Variants in SLC2A13 observed in about 807,000 individuals in gnomAD.
SLC2A13 encodes the protein solute carrier family 2 member 13.
Under a neutral mutation model 64.4 loss-of-function variants are expected in SLC2A13, and 32 were observed. The observed-to-expected ratio is 0.50, with a 90% CI of 0.37 to 0.67. The LOEUF (loss-of-function observed/expected upper bound fraction) is 0.67. SLC2A13 is among the 30% of genes least tolerant of loss of function. SLC2A13 has a pLI of 0.00. For synonymous variants in SLC2A13, 338 were observed against 327.1 expected (o/e 1.03, Z -0.36); for missense variants, 743 against 829.2 (o/e 0.90, Z 1.28).
chr12:39,960,899 C>T (rs1408056190), intron 3 of SLC2A13, among the ~76,000 whole-genome samples: 2 of 151,072 alleles, frequency 1.3e-5, no homozygotes, highest in Non-Finnish European at 2.9e-5. Flanking sequence ...AGGCGCTCGC[C>T]ACCACAGCTG....
At chr12:39,934,032 T>A (rs1565549264) in intron 4 of SLC2A13, among the ~76,000 whole-genome samples, 1 of 152,236 alleles carries the variant, frequency 6.6e-6, no homozygotes, top group Non-Finnish European at 1.5e-5. Context: ...ATATTTCAGT[T>A]AATTCTAGCA....
intron 4 of SLC2A13, among the ~76,000 whole-genome samples, chr12:39,895,983 TAC>T (rs1202914172): frequency 6.9e-6 from 1 of 144,870 alleles, no homozygotes; most frequent in Non-Finnish European, 1.5e-5. Context: ...TATGTATACA[TAC>T]ATTCATATAT....
intron 7 of SLC2A13, among the ~76,000 whole-genome samples, chr12:39,776,270 C>CACGGTCACT: frequency 6.6e-6 from 1 of 152,138 alleles, no homozygotes; most frequent in South Asian, 2.1e-4. Flanking sequence ...ATTTATACTA[C>CACGGTCACT]ACACTGCTTC....
intron 4 of SLC2A13, among the ~76,000 whole-genome samples, chr12:39,912,116 G>A (rs182539176): frequency 6.6e-6 from 1 of 152,046 alleles, no homozygotes; most frequent in Non-Finnish European, 1.5e-5. Flanking sequence ...TCCCCACAAT[G>A]ATCAACCTTC....
intron 1 of SLC2A13, among the ~76,000 whole-genome samples, chr12:40,071,425 T>C (rs1002982138): frequency 6.6e-6 from 1 of 152,204 alleles, no homozygotes; most frequent in African/African-American, 2.4e-5. Context: ...AATTTTATAA[T>C]ATTTTATTGA....
chr12:39,910,237 T>C (rs1290490060), intron 4 of SLC2A13, among the ~76,000 whole-genome samples: 2 of 152,146 alleles, frequency 1.3e-5, no homozygotes, highest in Non-Finnish European at 2.9e-5. Context: ...CCATCTTTAA[T>C]AATGGCTGTA....
intron 4 of SLC2A13, among the ~76,000 whole-genome samples, chr12:39,905,822 G>GACAAAAAAA: frequency 6.9e-6 from 1 of 145,402 alleles, no homozygotes; most frequent in Non-Finnish European, 1.5e-5. Flanking sequence ...AAAATGCCCA[G>GACAAAAAAA]AAAAAAAAAA....
At chr12:39,838,174 A>G (rs1943072092) in intron 6 of SLC2A13, among the ~76,000 whole-genome samples, 1 of 150,348 alleles carries the variant, frequency 6.7e-6, no homozygotes, top group South Asian at 2.1e-4. Context: ...AAAAAGGATG[A>G]GTTCATGTCC....
chr12:39,901,719 T>C (rs1185541053), intron 4 of SLC2A13, among the ~76,000 whole-genome samples: 2 of 133,312 alleles, frequency 1.5e-5, no homozygotes, highest in South Asian at 2.8e-4. Context: ...TGTGGAGAAA[T>C]AGGAACACTT....
intron 1 of SLC2A13, among the ~76,000 whole-genome samples, chr12:40,092,901 G>A (rs1432096822): frequency 1.3e-5 from 2 of 152,200 alleles, no homozygotes; most frequent in African/African-American, 2.4e-5. Flanking sequence ...ATGCAAGTCT[G>A]TGAATCAGTA....
chr12:40,040,149 GAAGATAACAGCAAACAATACCT>G (rs1161029877), intron 2 of SLC2A13, among the ~76,000 whole-genome samples: 2 of 152,174 alleles, frequency 1.3e-5, no homozygotes, highest in East Asian at 3.9e-4. Flanking sequence ...AAAACATTCT[GAAGATAACAGCAAACAATACCT>G]AATAGCACTG....
intron 1 of SLC2A13, among the ~76,000 whole-genome samples, chr12:40,051,206 G>T (rs567484947): frequency 6.6e-6 from 1 of 152,302 alleles, no homozygotes; most frequent in East Asian, 1.9e-4. Context: ...TTCTACTGTG[G>T]CAAGCTGACA....
intron 6 of SLC2A13, among the ~76,000 whole-genome samples, chr12:39,835,912 G>C (rs1429670790): frequency 6.6e-6 from 1 of 152,048 alleles, no homozygotes; most frequent in African/African-American, 2.4e-5. Context: ...ATTGTCAAAG[G>C]GTATTTTAAG....
Position 39,950,890 on chromosome 12 carries a change from T to G in SLC2A13, c.1034+367A>C, listed in dbSNP as rs180819262. ...AAAAGAAATGAATTAGTTATCTGTG[T>G]GCCCATAATCTCTGGCAATGCCAGG... On this transcript the variant is annotated intron_variant, in intron 4 of 9. Coordinates refer to ENST00000280871, the MANE Select transcript of SLC2A13 (RefSeq NM_052885.4). 1.4e-3 allele frequency: 364 copies of G among 262,916 alleles called. 2 individuals carry two copies. The highest frequency in any genetic ancestry group is 7.6e-3 in the African/African-American group (344 of 45,554). 16.3% of individuals were successfully genotyped at this position (262,916 alleles called of 1,614,324 possible).
chr12:40,105,321 G>A lies in SLC2A13; in HGVS notation c.488C>T (p.Ala163Val), dbSNP rs1001866833. 2.4e-5 allele frequency: 38 copies of A among 1,598,634 alleles called. No individual in the cohort carries two copies. The Admixed American group carries it at 4.9e-4, about 21-fold the overall frequency. ...LASALFTAGS[A>V]VLAAANNKET... ...CTTGTTGTTGGCCGCAGCCAGCACCGCGGAGCCGGCGGTGAAGAGGGCACT... is the reference window on the plus strand; with the variant it reads ...CTTGTTGTTGGCCGCAGCCAGCACCACGGAGCCGGCGGTGAAGAGGGCACT... Residue 163 changes from alanine to valine, a missense_variant, in exon 1 of 10, where the codon GCG becomes GTG. Ala to Val is a moderately conservative substitution (Grantham distance 64). Transcript: ENST00000280871. This position sits in a 1 kb window ranked among gnomAD's most constrained non-coding sequence, Gnocchi z 4.2.
intron 6 of SLC2A13, among the ~76,000 whole-genome samples, chr12:39,832,621 G>T (rs1942886218): frequency 6.6e-6 from 1 of 151,970 alleles, no homozygotes; most frequent in Admixed American, 6.6e-5. Flanking sequence ...CTAGGTGCTG[G>T]GACATGTGAG....
intron 6 of SLC2A13, among the ~76,000 whole-genome samples, chr12:39,834,603 C>G (rs1265658342): frequency 3.3e-5 from 5 of 151,976 alleles, no homozygotes; most frequent in Non-Finnish European, 7.4e-5. Flanking sequence ...CCATTTCGTT[C>G]AGGGAAAGGA....
chr12:40,062,564 T>C (rs1948440007), intron 1 of SLC2A13, among the ~76,000 whole-genome samples: 1 of 151,966 alleles, frequency 6.6e-6, no homozygotes, highest in African/African-American at 2.4e-5. Context: ...TCTAAGATAT[T>C]TTAGGAGTAC....
intron 6 of SLC2A13, among the ~76,000 whole-genome samples, chr12:39,863,053 A>T (rs564901719): frequency 6.6e-6 from 1 of 152,172 alleles, no homozygotes; most frequent in African/African-American, 2.4e-5. Flanking sequence ...TTACTCATAC[A>T]ATAAATAATT....
Sources: gnomAD v4.1 joint callset for allele counts (sites outside exome capture counted in the v4.1 genomes callset) on GRCh38, gnomAD v4.1.1 for gene constraint, Gnocchi (gnomAD v3.1) non-coding constraint, MANE v1.5 for transcripts, NCBI Gene and HGNC (gene_info 2026-07-23, HGNC 2026-07-21) for gene names.